The following VAV3 variants were observed in gnomAD, a reference collection of about 807,000 sequenced individuals.
VAV3 encodes guanine nucleotide exchange factor VAV3.
VAV3 carries 94 observed loss-of-function variants against 131.2 expected under a neutral mutation model. That is an observed-to-expected ratio of 0.72 (90% CI 0.61 to 0.85). The LOEUF (loss-of-function observed/expected upper bound fraction) is 0.85, where lower values mean the gene tolerates loss of function less well. Ranked by LOEUF, VAV3 falls within the 40% of genes least tolerant of loss-of-function variation. The pLI, the probability that VAV3 is intolerant of heterozygous loss-of-function variation, is 0.00. For missense variants in VAV3, 939 were observed against 1,002.7 expected, an observed-to-expected ratio of 0.94 and a Z score of 0.86; for synonymous variants, 349 against 342.0, an observed-to-expected ratio of 1.02 and a Z score of -0.22.
chr1:107,717,948 A>G (rs1273986196), intron 15 of VAV3, among the ~76,000 whole-genome samples: 1 of 152,070 alleles, frequency 6.6e-6, no homozygotes, highest in Non-Finnish European at 1.5e-5. Flanking sequence ...TATATTTAGG[A>G]TAGTTAGCTC....
intron 10 of VAV3, among the ~76,000 whole-genome samples, chr1:107,759,169 G>A (rs886285723): frequency 3.6e-4 from 54 of 152,062 alleles, no homozygotes; most frequent in Non-Finnish European, 4.7e-4. Context: ...AGGGTCTGTC[G>A]TATATCACGA....
chr1:107,703,540 C>T (rs1172471844), intron 17 of VAV3, among the ~76,000 whole-genome samples: 1 of 152,184 alleles, frequency 6.6e-6, no homozygotes, highest in Non-Finnish European at 1.5e-5. Context: ...CAGAGAATGG[C>T]ACAGAGGGTC....
intron 20 of VAV3, among the ~76,000 whole-genome samples, chr1:107,628,334 T>A (rs1198628401): frequency 6.6e-6 from 1 of 152,058 alleles, no homozygotes; most frequent in Admixed American, 6.6e-5. Flanking sequence ...CTGTGGGAAG[T>A]AAAAATTATT....
At chr1:107,878,830 C>T (rs1670632111) in intron 1 of VAV3, among the ~76,000 whole-genome samples, 1 of 152,104 alleles carries the variant, frequency 6.6e-6, no homozygotes, top group Admixed American at 6.6e-5. Context: ...GTCCTATTTC[C>T]CAATAATTTT....
chr1:107,854,096 GC>G (rs1669355579), intron 2 of VAV3, among the ~76,000 whole-genome samples: 1 of 152,112 alleles, frequency 6.6e-6, no homozygotes, highest in African/African-American at 2.4e-5. Flanking sequence ...ATAACTTGAG[GC>G]CAGGGGTTCG....
intron 1 of VAV3, among the ~76,000 whole-genome samples, chr1:107,907,305 G>A (rs1488490306): frequency 6.6e-6 from 1 of 152,152 alleles, no homozygotes; most frequent in Non-Finnish European, 1.5e-5. Flanking sequence ...AGCACTGGGT[G>A]CTTATTTAAT....
At chr1:107,825,643 T>C (rs1667978599) in intron 2 of VAV3, among the ~76,000 whole-genome samples, 1 of 152,160 alleles carries the variant, frequency 6.6e-6, no homozygotes, top group South Asian at 2.1e-4. Context: ...TGCTTTGACC[T>C]TTCCTACCCC....
At chr1:107,947,376 G>A (rs140816918) in intron 1 of VAV3, among the ~76,000 whole-genome samples, 77 of 126,450 alleles carry the variant, frequency 6.1e-4, no homozygotes, top group South Asian at 4.7e-3. Flanking sequence ...ATAGACAAGC[G>A]AAGTTATAGA....
intron 19 of VAV3, among the ~76,000 whole-genome samples, chr1:107,674,761 T>C (rs1049284697): frequency 1.4e-4 from 21 of 152,194 alleles, no homozygotes; most frequent in African/African-American, 5.1e-4. Flanking sequence ...CTTCCCTGAA[T>C]GTGGGTAGCC....
chr1:107,662,170 C>A (rs531975210), intron 19 of VAV3, among the ~76,000 whole-genome samples: 1 of 152,216 alleles, frequency 6.6e-6, no homozygotes, highest in East Asian at 1.9e-4. Flanking sequence ...AGCATTAAAT[C>A]CATTTTGCAA....
chr1:107,779,311 A>T (rs1665549506), intron 3 of VAV3, 123 bp downstream of exon 3: 1 of 754,518 alleles, frequency 1.3e-6, no homozygotes, highest in African/African-American at 1.8e-5. Context: ...CTTACATACC[A>T]GGCACTCTTC....
intron 16 of VAV3, 139 bp downstream of exon 16, chr1:107,704,821 G>A: frequency 4.7e-6 from 5 of 1,055,286 alleles, no homozygotes; most frequent in South Asian, 1.5e-5. Context: ...CAGAAAGCCT[G>A]GCAAAGGTTT....
At chr1:107,586,925 A>C (rs147414538) in intron 25 of VAV3, among the ~76,000 whole-genome samples, 10 of 152,132 alleles carry the variant, frequency 6.6e-5, no homozygotes, top group Admixed American at 1.3e-4. Context: ...ATTTGTTCAG[A>C]AAATAGGGTG....
intron 15 of VAV3, 67 bp downstream of exon 15, chr1:107,748,901 T>C: frequency 7.7e-6 from 9 of 1,165,332 alleles, no homozygotes; most frequent in Non-Finnish European, 1.1e-5. Context: ...CACTTATTGG[T>C]TGTTCATTAT....
intron 1 of VAV3, among the ~76,000 whole-genome samples, chr1:107,903,171 T>A (rs533462205): frequency 6.5e-4 from 99 of 152,188 alleles, no homozygotes; most frequent in African/African-American, 2.3e-3. Flanking sequence ...TTTAATTTTT[T>A]AAAAAAATCT....
chr1:107,861,520 T>C (rs1313726762), intron 2 of VAV3, among the ~76,000 whole-genome samples: 3 of 151,590 alleles, frequency 2.0e-5, no homozygotes, highest in African/African-American at 7.2e-5. Flanking sequence ...AAGGAGCAGA[T>C]GCATAGCTAA....
chr1:107,887,335 G>A (rs969763603), intron 1 of VAV3, among the ~76,000 whole-genome samples: 5 of 152,182 alleles, frequency 3.3e-5, no homozygotes, highest in African/African-American at 1.2e-4. Flanking sequence ...ACCAGTGCAT[G>A]TTGTTAAAAA....
At chr1:107,940,096 G>A (rs770657930) in intron 1 of VAV3, among the ~76,000 whole-genome samples, 17 of 152,162 alleles carry the variant, frequency 1.1e-4, no homozygotes, top group South Asian at 4.1e-4. Context: ...CTCAAATTTC[G>A]TATTCTATAT....
At chr1:107,710,481 T>C (rs984108698) in intron 15 of VAV3, among the ~76,000 whole-genome samples, 2 of 152,124 alleles carry the variant, frequency 1.3e-5, no homozygotes, top group African/African-American at 4.8e-5. Flanking sequence ...AAATATATAT[T>C]TTGGCCAACA....
Sources: gnomAD v4.1 joint callset for allele counts (sites outside exome capture counted in the v4.1 genomes callset) on GRCh38, gnomAD v4.1.1 for gene constraint, MANE v1.5 for transcripts, NCBI Gene and HGNC (gene_info 2026-07-23, HGNC 2026-07-21) for gene names.